Variants in TUSC3 observed in about 807,000 individuals in gnomAD.
TUSC3 encodes tumor suppressor candidate 3, also known as dolichyl-diphosphooligosaccharide--protein glycosyltransferase subunit TUSC3.
A neutral mutation model predicts 44.8 loss-of-function variants in TUSC3; 45 were observed. The ratio of observed to expected loss-of-function variants is 1.00; its 90% CI spans 0.79 to 1.29. The LOEUF is 1.29. TUSC3 is among the 50% of genes most tolerant of loss of function. The pLI is 0.00. For synonymous variants in TUSC3, 212 were observed against 152.9 expected (o/e 1.39, Z -2.85); for missense variants, 519 against 437.9 (o/e 1.19, Z -1.65).
intron 1 of TUSC3, among the ~76,000 whole-genome samples, chr8:15,591,785 T>C (rs377295671): frequency 6.6e-6 from 1 of 152,126 alleles, no homozygotes; most frequent in Non-Finnish European, 1.5e-5. Flanking sequence ...ATAATAAGAT[T>C]GGAGTGGTAG....
intron 1 of TUSC3, among the ~76,000 whole-genome samples, chr8:15,599,471 G>T (rs1804193415): frequency 6.6e-6 from 1 of 151,554 alleles, no homozygotes; most frequent in Admixed American, 6.6e-5. Flanking sequence ...TTCTCTCATG[G>T]ATCCTGCCTT....
intron 1 of TUSC3, among the ~76,000 whole-genome samples, chr8:15,419,720 T>C (rs1003899761): frequency 6.6e-6 from 1 of 152,236 alleles, no homozygotes; most frequent in African/African-American, 2.4e-5. Context: ...TATGACTTTA[T>C]ACAGCTTGTC....
In TUSC3 at chr8:15,598,693, G is replaced by GT. The variant is rs140561903; in HGVS notation, c.139-24386dup. Among the ~76,000 whole-genome samples the GT allele has an allele frequency of 6.0e-3, 909 of 151,912 alleles. 9 individuals carry two copies. The highest frequency in any genetic ancestry group is 0.02 in the African/African-American group (843 of 41,482). On this transcript the variant is annotated intron_variant, in intron 1 of 10. Transcript: ENST00000503731. ...AATGTCATAAAGTTGGAATCATACA[G>GT]TATATAGCCTTTTCAGATTGGCCTC...
intron 2 of TUSC3, among the ~76,000 whole-genome samples, chr8:15,498,598 T>A (rs1239834965): frequency 6.6e-6 from 1 of 152,224 alleles, no homozygotes; most frequent in Non-Finnish European, 1.5e-5. Flanking sequence ...CAAGTGCAGA[T>A]GTGAATTAGG....
At chr8:15,638,794 G>C (rs1416360644) in intron 2 of TUSC3, among the ~76,000 whole-genome samples, 1 of 152,158 alleles carries the variant, frequency 6.6e-6, no homozygotes, top group Admixed American at 6.5e-5. Context: ...CCAAAGTGCT[G>C]GGATTACAGG....
At chr8:15,580,829 G>A (rs1416956382) in intron 1 of TUSC3, among the ~76,000 whole-genome samples, 1 of 142,934 alleles carries the variant, frequency 7.0e-6, no homozygotes, top group Admixed American at 7.1e-5. Flanking sequence ...TATCTTTGTG[G>A]CATTCCCTGT....
intron 2 of TUSC3, among the ~76,000 whole-genome samples, chr8:15,496,554 G>A (rs751726982): frequency 1.3e-5 from 2 of 152,166 alleles, no homozygotes; most frequent in Non-Finnish European, 2.9e-5. Context: ...TTACTTTTGG[G>A]AGAGAGTGAT....
At chr8:15,540,197 A>T, upstream of TUSC3, 1 of 512,060 alleles carries the variant, frequency 2.0e-6, no homozygotes. Flanking sequence ...CTCCCTCGCC[A>T]CGCCCACTTC....
intron 6 of TUSC3, among the ~76,000 whole-genome samples, chr8:15,686,980 G>C (rs532871787): frequency 1.3e-5 from 2 of 152,278 alleles, no homozygotes; most frequent in East Asian, 3.9e-4. Flanking sequence ...GGCTGAGGCA[G>C]GAGAATGGCC....
intron 2 of TUSC3, among the ~76,000 whole-genome samples, chr8:15,529,728 C>G (rs968630709): frequency 6.6e-6 from 1 of 150,576 alleles, no homozygotes; most frequent in Non-Finnish European, 1.5e-5. Flanking sequence ...TAGGGATTTT[C>G]CTCTTATAAT....
At chr8:15,808,494 C>G in the TUSC3 span, among the ~76,000 whole-genome samples, 1 of 152,094 alleles carries the variant, frequency 6.6e-6, no homozygotes, top group African/African-American at 2.4e-5. Context: ...ATATATATCT[C>G]TTGTTGGCCA....
At chr8:15,548,692 G>T (rs1324093540) in intron 1 of TUSC3, among the ~76,000 whole-genome samples, 1 of 151,728 alleles carries the variant, frequency 6.6e-6, no homozygotes, top group Non-Finnish European at 1.5e-5. Flanking sequence ...CTGATATTTT[G>T]TATCTAAAAT....
At chr8:15,562,248 A>T (rs977538442) in intron 1 of TUSC3, among the ~76,000 whole-genome samples, 1 of 152,072 alleles carries the variant, frequency 6.6e-6, no homozygotes, top group Non-Finnish European at 1.5e-5. Flanking sequence ...TTTTCTTCTG[A>T]GATGTTATCA....
At chr8:15,512,872 G>GTGTGTATATATATA (rs761482107) in intron 2 of TUSC3, among the ~76,000 whole-genome samples, 83 of 132,290 alleles carry the variant, frequency 6.3e-4, no homozygotes, top group South Asian at 7.5e-4. Flanking sequence ...ATATGTGTGT[G>GTGTGTATATATATA]TATATATATA....
At chr8:15,636,660 T>C (rs961341512) in intron 2 of TUSC3, among the ~76,000 whole-genome samples, 3 of 152,186 alleles carry the variant, frequency 2.0e-5, no homozygotes, top group Non-Finnish European at 4.4e-5. Context: ...CGGGGTGTGG[T>C]TTGCTGAACA....
intron 2 of TUSC3, among the ~76,000 whole-genome samples, chr8:15,643,209 C>G (rs575213125): frequency 1.3e-5 from 2 of 152,288 alleles, no homozygotes; most frequent in East Asian, 1.9e-4. Flanking sequence ...GCCTCCCCAG[C>G]TGTGCTGAAC....
At chr8:15,561,560 T>A (rs1402620076) in intron 1 of TUSC3, 7 of 152,448 alleles carry the variant, frequency 4.6e-5, no homozygotes, top group African/African-American at 7.3e-5. Flanking sequence ...CTGCTTTGTT[T>A]ACCTAATCAA....
intron 6 of TUSC3, among the ~76,000 whole-genome samples, chr8:15,682,117 G>A (rs1328212671): frequency 6.6e-6 from 1 of 152,142 alleles, no homozygotes; most frequent in South Asian, 2.1e-4. Context: ...TTCATGTTCA[G>A]ATGAGAAGAA....
At position 15,486,387 on chromosome 8, in the gene TUSC3, TTTAATA is replaced by T. The variant is rs537405259; in HGVS notation, n.189+2908_189+2913del. On this transcript the variant is annotated intron_variant and non_coding_transcript_variant, in intron 2 of 5. Coordinates refer to the TUSC3 transcript ENST00000503191. Reference sequence around the variant, plus strand: ...TGCAAAATGACTGCTGGTACTTGGTTTTAATATTATTTTGGTTTGATCATTCTATAA... The same window carrying T: ...TGCAAAATGACTGCTGGTACTTGGTTTTATTTTGGTTTGATCATTCTATAA... 1.1e-4 allele frequency among the ~76,000 whole-genome samples: 16 copies of T among 152,162 alleles called. 1 individual carries two copies. Among genetic ancestry groups the T allele is most frequent in the Non-Finnish European group, 2.2e-4 (15 of 68,026 alleles).
Sources: allele counts gnomAD v4.1 joint callset (sites outside exome capture counted in the v4.1 genomes callset), GRCh38; gene constraint gnomAD v4.1.1; transcripts MANE v1.5; gene names NCBI Gene and HGNC (gene_info 2026-07-23, HGNC 2026-07-21).